Variants in COL26A1 observed in about 807,000 individuals in gnomAD.
COL26A1 encodes the protein collagen alpha-1(XXVI) chain.
A neutral mutation model predicts 59.3 loss-of-function variants in COL26A1; 41 were observed. The ratio of observed to expected loss-of-function variants is 0.69; its 90% CI spans 0.54 to 0.90. The LOEUF (loss-of-function observed/expected upper bound fraction) is 0.90, where lower values mean the gene tolerates loss of function less well. COL26A1 is among the 40% of genes least tolerant of loss of function. The probability of loss-of-function intolerance (pLI) is 0.00; values close to 1 mark genes in which losing one functional copy is unlikely to be tolerated. For synonymous variants in COL26A1, 266 were observed against 256.0 expected (o/e 1.04, Z -0.37); for missense variants, 612 against 602.3 (o/e 1.02, Z -0.17).
At chr7:101,446,859 AAAAAAG>A (rs1000063243) in intron 2 of COL26A1, among the ~76,000 whole-genome samples, 7 of 151,542 alleles carry the variant, frequency 4.6e-5, no homozygotes, top group Admixed American at 2.6e-4. Flanking sequence ...CTAAAAAAAA[AAAAAAG>A]AGAGAGAGAG....
intron 5 of COL26A1, among the ~76,000 whole-genome samples, chr7:101,541,603 G>A (rs1036946290): frequency 6.6e-6 from 1 of 151,672 alleles, no homozygotes; most frequent in African/African-American, 2.4e-5. Flanking sequence ...CTCATGCCTC[G>A]GCTTCCCAAA....
intron 3 of COL26A1, among the ~76,000 whole-genome samples, chr7:101,463,852 CTTT>C (rs1276494407): frequency 8.0e-6 from 1 of 124,360 alleles, no homozygotes; most frequent in African/African-American, 3.1e-5. Flanking sequence ...CTCCCTCCCT[CTTT>C]TTTCTCTTTT....
chr7:101,443,219 G>T (rs2130363183), intron 2 of COL26A1, among the ~76,000 whole-genome samples: 1 of 152,206 alleles, frequency 6.6e-6, no homozygotes, highest in African/African-American at 2.4e-5. Context: ...GCTCCCAAAA[G>T]CTGGGGGCTT....
At chr7:101,504,347 C>T (rs372760325) in intron 3 of COL26A1, among the ~76,000 whole-genome samples, 3 of 152,124 alleles carry the variant, frequency 2.0e-5, no homozygotes, top group African/African-American at 7.2e-5. Context: ...ATGATCTGCT[C>T]GCCTCGGCCT....
intron 3 of COL26A1, among the ~76,000 whole-genome samples, chr7:101,513,838 G>T (rs1363624805): frequency 1.3e-5 from 2 of 152,126 alleles, no homozygotes; most frequent in Non-Finnish European, 2.9e-5. Flanking sequence ...GGAGATATTC[G>T]CAAAGCATGA....
chr7:101,432,801 C>T (rs896285540), intron 2 of COL26A1, among the ~76,000 whole-genome samples: 6 of 152,068 alleles, frequency 3.9e-5, no homozygotes, highest in Non-Finnish European at 7.3e-5. Context: ...CTTCTGGGTT[C>T]AACCGATTCT....
intron 1 of COL26A1, among the ~76,000 whole-genome samples, chr7:101,373,718 G>A (rs1485634651): frequency 6.6e-6 from 1 of 152,162 alleles, no homozygotes; most frequent in Non-Finnish European, 1.5e-5. Flanking sequence ...TCCCTTTGAA[G>A]TGTGAGCACA....
intron 1 of COL26A1, among the ~76,000 whole-genome samples, chr7:101,367,087 C>A (rs1791065231): frequency 6.6e-6 from 1 of 152,150 alleles, no homozygotes; most frequent in African/African-American, 2.4e-5. Flanking sequence ...GGATCCTCTG[C>A]CCCCTGTATC....
intron 3 of COL26A1, among the ~76,000 whole-genome samples, chr7:101,509,760 C>G (rs1794883593): frequency 6.6e-6 from 1 of 152,062 alleles, no homozygotes; most frequent in Non-Finnish European, 1.5e-5. Flanking sequence ...CGGGGCCTCA[C>G]TCTGTCACCT....
At chr7:101,366,314 C>G (rs1235422495) in intron 1 of COL26A1, among the ~76,000 whole-genome samples, 2 of 152,042 alleles carry the variant, frequency 1.3e-5, no homozygotes, top group East Asian at 3.9e-4. Flanking sequence ...TCCAAGATGT[C>G]CAGAAGCTGA....
At chr7:101,472,544 G>T (rs970723390) in intron 3 of COL26A1, among the ~76,000 whole-genome samples, 1 of 152,092 alleles carries the variant, frequency 6.6e-6, no homozygotes, top group South Asian at 2.1e-4. Context: ...GATCCATTCC[G>T]CCATGGAGGG....
At chr7:101,430,173 T>C (rs546297978) in intron 2 of COL26A1, among the ~76,000 whole-genome samples, 2 of 152,214 alleles carry the variant, frequency 1.3e-5, no homozygotes, top group Non-Finnish European at 2.9e-5. Context: ...ATACAAATCT[T>C]ATACTTATTT....
intron 7 of COL26A1, 116 bp from the exon 8 acceptor site, chr7:101,547,040 G>T: frequency 1.5e-6 from 1 of 653,208 alleles, no homozygotes. Flanking sequence ...CAGGGTGATG[G>T]GAGGAGCCCC....
intron 3 of COL26A1, among the ~76,000 whole-genome samples, chr7:101,531,266 C>T (rs1054555114): frequency 4.6e-5 from 7 of 152,216 alleles, no homozygotes; most frequent in African/African-American, 7.2e-5. Context: ...CCACCACACC[C>T]GGCCTACCTT....
At position 101,555,817 on chromosome 7, in the gene COL26A1, C is replaced by G. The variant is rs748161316; in HGVS notation, c.1111C>G (p.Leu371Val). ...GGGGGTGCAGCAGCTGAGAGAGGCCCTGAAGATCCTGGCAGAGCGAGTCCT... is the reference window on the plus strand; with the variant it reads ...GGGGGTGCAGCAGCTGAGAGAGGCCGTGAAGATCCTGGCAGAGCGAGTCCT... Reference protein sequence around the residue: ...GEGVQQLREALKILAERVLIL... With the variant: ...GEGVQQLREAVKILAERVLIL... The change falls in exon 12 of 13, where the codon CTG (leucine) becomes GTG (valine). Residue 371 changes from leucine (L) to valine (V), a missense_variant. Coordinates refer to ENST00000313669, the MANE Select transcript of COL26A1 (RefSeq NM_001278563.3). 2 of 1,611,780 alleles carry G rather than the reference C, an allele frequency of 1.2e-6. No homozygotes were observed. Among genetic ancestry groups the G allele is most frequent in the South Asian group, 2.2e-5 (2 of 90,212 alleles).
At chr7:101,510,024 A>AT (rs1287184898) in intron 3 of COL26A1, among the ~76,000 whole-genome samples, 1 of 100,756 alleles carries the variant, frequency 9.9e-6, no homozygotes, top group Non-Finnish European at 1.8e-5. Context: ...CATCGCGCCC[A>AT]GTCTTTTTTT....
At chr7:101,446,563 A>G (rs761243352) in intron 2 of COL26A1, among the ~76,000 whole-genome samples, 9 of 152,204 alleles carry the variant, frequency 5.9e-5, no homozygotes, top group Middle Eastern at 3.4e-3. Context: ...ATAGAGAAAG[A>G]TGGCCGGGTG....
At chr7:101,489,621 CTT>C (rs1794344010) in intron 3 of COL26A1, among the ~76,000 whole-genome samples, 3 of 55,884 alleles carry the variant, frequency 5.4e-5, no homozygotes, top group Admixed American at 1.6e-4. Context: ...TTCTTTCTTT[CTT>C]TCTTTCTTTC....
intron 3 of COL26A1, among the ~76,000 whole-genome samples, chr7:101,513,860 G>T (rs1794975148): frequency 6.6e-6 from 1 of 152,112 alleles, no homozygotes; most frequent in Non-Finnish European, 1.5e-5. Context: ...ATTGACGACG[G>T]GCTGGTATTG....
Sources: allele counts gnomAD v4.1 joint callset (sites outside exome capture counted in the v4.1 genomes callset), GRCh38; gene constraint gnomAD v4.1.1; transcripts MANE v1.5; gene names NCBI Gene and HGNC (gene_info 2026-07-23, HGNC 2026-07-21).